ANKRD30B: variants seen among roughly 807,000 people sequenced by gnomAD.
ANKRD30B encodes the protein ankyrin repeat domain 30B, also known as ankyrin repeat domain-containing protein 30B.
Under a neutral mutation model 202.2 loss-of-function variants are expected in ANKRD30B, and 144 were observed. The ratio of observed to expected loss-of-function variants is 0.71; its 90% confidence interval spans 0.62 to 0.82. The LOEUF is 0.82. Ranked by LOEUF, ANKRD30B falls within the 40% of genes least tolerant of loss-of-function variation. The pLI is 0.00. For missense variants in ANKRD30B, 1,487 were observed against 1,669.1 expected (o/e 0.89, Z 1.90); for synonymous variants, 508 against 561.3 (o/e 0.91, Z 1.34).
At chr18:14,925,881 C>T in the ANKRD30B span, among the ~76,000 whole-genome samples, 3 of 152,290 alleles carry the variant, frequency 2.0e-5, no homozygotes, top group African/African-American at 4.8e-5. Flanking sequence ...GTAAGGGGAG[C>T]AGGCTCGCAG....
chr18:14,752,799 C>T (rs1913668638), intron 2 of ANKRD30B, 40 bp from the exon 3 acceptor site: 1 of 1,570,236 alleles, frequency 6.4e-7, no homozygotes, highest in African/African-American at 1.4e-5. Context: ...ATTTTGATTT[C>T]CTATAATTTA....
At chr18:14,902,545 A>G in the ANKRD30B span, among the ~76,000 whole-genome samples, 2 of 152,322 alleles carry the variant, frequency 1.3e-5, no homozygotes, top group East Asian at 1.9e-4. Flanking sequence ...AATCAGGCCA[A>G]GTATAACAAG....
chr18:14,811,478 T>C (rs1162716577), intron 28 of ANKRD30B, among the ~76,000 whole-genome samples: 2 of 150,870 alleles, frequency 1.3e-5, no homozygotes, highest in Non-Finnish European at 3.0e-5. Context: ...CCTAAAGTGC[T>C]GGGATTAGAG....
intron 20 of ANKRD30B, 61 bp from the exon 21 acceptor site, chr18:14,799,040 A>G: frequency 7.0e-7 from 1 of 1,421,648 alleles, no homozygotes; most frequent in Non-Finnish European, 9.9e-7. Context: ...CACTCTATGA[A>G]CGTTTGGTAG....
the ANKRD30B span, among the ~76,000 whole-genome samples, chr18:14,874,848 C>T: frequency 1.3e-5 from 2 of 152,142 alleles, no homozygotes; most frequent in Non-Finnish European, 2.9e-5. Context: ...GAGTCCTGAG[C>T]CCTTTCAAAC....
At chr18:14,804,801 C>G (rs1411858854) in intron 24 of ANKRD30B, among the ~76,000 whole-genome samples, 1 of 150,850 alleles carries the variant, frequency 6.6e-6, no homozygotes, top group Non-Finnish European at 1.5e-5. Context: ...TGGGAAGAAT[C>G]AAGAACACAA....
downstream of ANKRD30B, among the ~76,000 whole-genome samples, chr18:14,856,474 A>C (rs529545158): frequency 1.5e-4 from 21 of 137,468 alleles, no homozygotes; most frequent in Middle Eastern, 4.1e-3. Context: ...CGGCCAGAGG[A>C]ACTCCTCACC....
the ANKRD30B span, among the ~76,000 whole-genome samples, chr18:14,933,732 T>A: frequency 2.9e-5 from 3 of 102,244 alleles, no homozygotes; most frequent in South Asian, 7.9e-4. Context: ...GGCCACTACG[T>A]GGGGAGAGGT....
intron 6 of ANKRD30B, 140 bp from the exon 7 acceptor site, chr18:14,763,546 T>C (rs1403876046): frequency 3.3e-6 from 4 of 1,228,484 alleles, no homozygotes; most frequent in South Asian, 1.5e-5. Flanking sequence ...CAAGACTCCA[T>C]CAAAAAAAAG....
At chr18:14,940,550 T>C in the ANKRD30B span, among the ~76,000 whole-genome samples, 2 of 152,172 alleles carry the variant, frequency 1.3e-5, no homozygotes, top group Non-Finnish European at 2.9e-5. Context: ...TCTGGGGAAA[T>C]GGGATGAACA....
At chr18:14,772,715 T>G (rs1358061530) in intron 9 of ANKRD30B, among the ~76,000 whole-genome samples, 2 of 151,520 alleles carry the variant, frequency 1.3e-5, no homozygotes, top group Admixed American at 6.6e-5. Flanking sequence ...TAGGGTTTTT[T>G]TTTTTTTTTT....
At chr18:14,910,679 T>C in the ANKRD30B span, among the ~76,000 whole-genome samples, 1 of 152,082 alleles carries the variant, frequency 6.6e-6, no homozygotes, top group Admixed American at 6.6e-5. Context: ...TGGTTCTATT[T>C]TTAGTTATTT....
intron 18 of ANKRD30B, 65 bp from the exon 19 acceptor site, chr18:14,797,596 A>G (rs1051014613): frequency 6.7e-7 from 1 of 1,489,484 alleles, no homozygotes; most frequent in Non-Finnish European, 9.4e-7. Flanking sequence ...TTCACACTGT[A>G]TGAACGTTTG....
intron 16 of ANKRD30B, among the ~76,000 whole-genome samples, chr18:14,791,872 T>C (rs951680817): frequency 6.6e-6 from 1 of 152,140 alleles, no homozygotes; most frequent in South Asian, 2.1e-4. Context: ...TAGGAAAAGA[T>C]TGGGCATGGT....
chr18:14,796,988 A>G (rs1400663286), intron 18 of ANKRD30B, among the ~76,000 whole-genome samples: 1 of 152,182 alleles, frequency 6.6e-6, no homozygotes, highest in Non-Finnish European at 1.5e-5. Flanking sequence ...TAAAACAGAA[A>G]TGCAGACTTT....
chr18:14,904,134 T>C, the ANKRD30B span, among the ~76,000 whole-genome samples: 64,873 of 152,078 alleles, frequency 0.43, 14,872 homozygotes, highest in East Asian at 0.59. Flanking sequence ...CCATGGGGCA[T>C]TGACCTACTG....
Position 14,791,516 on chromosome 18 carries a change from A to T in ANKRD30B, c.1825+25A>T, listed in dbSNP as rs763829603. The stretch of plus-strand genomic sequence containing the variant: ...GGTAAGAACCATTTTTTAATTAAAA[A>T]GTCATTTGACCAAATATTTATCTAA... On this transcript the variant is annotated intron_variant, in intron 16 of 43. Coordinates refer to ENST00000690538, the MANE Select transcript of ANKRD30B (RefSeq NM_001367607.2). The T allele has an allele frequency of 4.5e-6, 7 of 1,562,470 alleles. No individual in the cohort carries two copies. The Admixed American group carries it at 1.3e-4, about 28-fold the overall frequency.
In ANKRD30B at chr18:14,797,672, A is replaced by C; in HGVS notation, c.1939A>C (p.Lys647Gln). 6.2e-7 allele frequency: 1 copy of C among 1,608,824 alleles called. No individual in the cohort carries two copies. The highest frequency in any genetic ancestry group is 1.1e-5 in the South Asian group (1 of 90,942). Residue 647 changes from lysine to glutamine, a missense_variant, in exon 19 of 44, where the codon AAA becomes CAA. Lys to Gln is a moderately conservative substitution (Grantham distance 53, BLOSUM62 1). Around this residue, in one of 6 missense-constraint regions of ANKRD30B, gnomAD observed 889 missense variants for 841.4 expected, o/e 1.06. Coordinates refer to ENST00000690538, the MANE Select transcript of ANKRD30B (RefSeq NM_001367607.2). The stretch of plus-strand genomic sequence containing the variant: ...CCCTTTTCTTTTAGAGTCTCCTGAT[A>C]AAGATGGTCTTCTGAAGGTAATAGC... Reference protein sequence around the residue: ...RETFKAESPDKDGLLKPTCGR... With the variant: ...RETFKAESPDQDGLLKPTCGR...
Position 14,763,902 on chromosome 18 carries a change from C to A in ANKRD30B, c.1037C>A (p.Thr346Lys). Residue 346 changes from threonine (T) to lysine (K), a missense_variant, in exon 7 of 44, where the codon ACA becomes AAA. Physicochemically the swap from Thr to Lys is moderately conservative, Grantham distance 78. Transcript: ENST00000690538. ...AAAATTTTGAGGCCTACAAAAGAAA[C>A]ATCTGAGAAATTTTCATGGCCAGCA... ...PRKILRPTKE[T>K]SEKFSWPAKE... The A allele has an allele frequency of 6.2e-7, 1 of 1,611,942 alleles. No homozygotes were observed. Among genetic ancestry groups the A allele is most frequent in the Non-Finnish European group, 8.5e-7 (1 of 1,178,906 alleles).
Sources: gnomAD v4.1 joint callset for allele counts (sites outside exome capture counted in the v4.1 genomes callset) on GRCh38, gnomAD v4.1.1 for gene constraint, gnomAD v4.1.1 regional missense constraint, MANE v1.5 for transcripts, NCBI Gene and HGNC (gene_info 2026-07-23, HGNC 2026-07-21) for gene names.